RABGAP1L: variants seen among roughly 807,000 people sequenced by gnomAD.
RABGAP1L encodes rab GTPase-activating protein 1-like.
Under a neutral mutation model 137.7 loss-of-function variants are expected in RABGAP1L, and 63 were observed. The observed-to-expected ratio is 0.46, with a 90% CI of 0.37 to 0.56. RABGAP1L has a LOEUF of 0.56. Among genes scored for constraint, RABGAP1L ranks in the 20% least tolerant of loss-of-function variants. The pLI is 0.00. For synonymous variants in RABGAP1L, 431 were observed against 433.7 expected (o/e 0.99, Z 0.08); for missense variants, 1,095 against 1,244.0 (o/e 0.88, Z 1.80).
rs549834803 is a variant in RABGAP1L, at chr1:174,761,853, C to T, written c.2211+9499C>T. Among the ~76,000 whole-genome samples, 3 of 152,090 alleles carry T rather than the reference C, an allele frequency of 2.0e-5. No homozygotes were observed. Among genetic ancestry groups the T allele is most frequent in the Non-Finnish European group, 2.9e-5 (2 of 67,992 alleles). On this transcript the variant is annotated intron_variant, in intron 18 of 25. Coordinates refer to ENST00000681986, the MANE Select transcript of RABGAP1L (RefSeq NM_001366446.1). This position sits in a 1 kb window ranked among gnomAD's most constrained non-coding sequence, Gnocchi z 4.0. The stretch of plus-strand genomic sequence containing the variant: ...ATTCAAGATGAGGTTTGGGTGGGGA[C>T]ACAGCCAAACCATATCAACAATAAA...
chr1:174,376,416 G>T (rs1269876534), intron 12 of RABGAP1L, among the ~76,000 whole-genome samples: 1 of 152,072 alleles, frequency 6.6e-6, no homozygotes, highest in Non-Finnish European at 1.5e-5. Flanking sequence ...GTCCCTCATG[G>T]ATATAGACTA....
intron 17 of RABGAP1L, among the ~76,000 whole-genome samples, chr1:174,715,453 T>C (rs1332597814): frequency 6.6e-6 from 1 of 152,222 alleles, no homozygotes; most frequent in Non-Finnish European, 1.5e-5. Context: ...ACTGTTTAAG[T>C]CTCAAATATT....
At chr1:174,294,967 G>A (rs1676979199) in intron 10 of RABGAP1L, among the ~76,000 whole-genome samples, 1 of 151,756 alleles carries the variant, frequency 6.6e-6, no homozygotes, top group South Asian at 2.1e-4. Context: ...AGCCCAGGCT[G>A]CAGTGCAGTA....
intron 12 of RABGAP1L, among the ~76,000 whole-genome samples, chr1:174,389,307 A>G (rs1687040660): frequency 6.6e-6 from 1 of 151,722 alleles, no homozygotes; most frequent in Non-Finnish European, 1.5e-5. Context: ...GAACTTTTTC[A>G]AATAGGTCAT....
intron 11 of RABGAP1L, among the ~76,000 whole-genome samples, chr1:174,360,247 A>T (rs1034353688): frequency 6.2e-4 from 94 of 151,568 alleles, no homozygotes; most frequent in Admixed American, 1.4e-3. Context: ...AAAAGTTAAA[A>T]TTTTTTTTTG....
At chr1:174,628,307 C>T (rs1673071094) in intron 13 of RABGAP1L, among the ~76,000 whole-genome samples, 1 of 152,086 alleles carries the variant, frequency 6.6e-6, no homozygotes, top group South Asian at 2.1e-4. Context: ...GAATTGGTTT[C>T]ATAATCATAA....
At chr1:174,713,515 C>A (rs527719601) in intron 17 of RABGAP1L, among the ~76,000 whole-genome samples, 4 of 152,126 alleles carry the variant, frequency 2.6e-5, no homozygotes, top group Non-Finnish European at 5.9e-5. Context: ...ATTCTGAGTT[C>A]ATGGGAGATA....
At chr1:174,830,218 G>C (rs1051404737) in intron 19 of RABGAP1L, among the ~76,000 whole-genome samples, 1 of 147,060 alleles carries the variant, frequency 6.8e-6, no homozygotes, top group South Asian at 2.3e-4. Context: ...AGTCATGACT[G>C]ATTAGAAGCC....
intron 19 of RABGAP1L, among the ~76,000 whole-genome samples, chr1:174,943,239 A>G (rs116666486): frequency 0.018 from 2,748 of 152,270 alleles, 74 homozygotes; most frequent in African/African-American, 0.063. Context: ...TGAATGCTCT[A>G]TCACTAGCTT....
intron 18 of RABGAP1L, among the ~76,000 whole-genome samples, chr1:174,788,236 C>T (rs960704548): frequency 2.0e-5 from 3 of 152,176 alleles, no homozygotes; most frequent in African/African-American, 4.8e-5. Flanking sequence ...AACTTTGTGC[C>T]TCAGCACCTG....
chr1:174,384,716 C>T (rs1686595966), intron 12 of RABGAP1L, among the ~76,000 whole-genome samples: 1 of 152,116 alleles, frequency 6.6e-6, no homozygotes, highest in Admixed American at 6.5e-5. Context: ...ATGTCAAGTG[C>T]ACATGACCTC....
At chr1:174,524,231 G>A (rs765466721) in intron 13 of RABGAP1L, among the ~76,000 whole-genome samples, 24 of 151,288 alleles carry the variant, frequency 1.6e-4, no homozygotes, top group Non-Finnish European at 2.2e-4. Context: ...TCTCTATACC[G>A]TTTTCCATAG....
At chr1:174,436,551 A>G (rs1653336443) in intron 13 of RABGAP1L, among the ~76,000 whole-genome samples, 1 of 152,174 alleles carries the variant, frequency 6.6e-6, no homozygotes, top group African/African-American at 2.4e-5. Flanking sequence ...GATTCTAGAT[A>G]TTAGCCCTTT....
rs1660122589 is a variant in RABGAP1L at position 174,490,574 on chromosome 1, C to CA, written c.1710+96430dup. Among the ~76,000 whole-genome samples, 2 of 152,116 alleles carry CA rather than the reference C, an allele frequency of 1.3e-5. 1 individual carries two copies. Among genetic ancestry groups the CA allele is most frequent in the South Asian group, 4.1e-4 (2 of 4,826 alleles). The stretch of plus-strand genomic sequence containing the variant: ...ACTCAAGGCCCAGTATAACCACTAC[C>CA]AGGTTATCGCCTATGTTCTCTGAAG... On this transcript the variant is annotated intron_variant, in intron 13 of 25. Coordinates refer to ENST00000681986, the MANE Select transcript of RABGAP1L (RefSeq NM_001366446.1).
At chr1:174,646,948 TA>T (rs1675016073) in intron 14 of RABGAP1L, among the ~76,000 whole-genome samples, 1 of 152,178 alleles carries the variant, frequency 6.6e-6, no homozygotes, top group Admixed American at 6.5e-5. Flanking sequence ...ATTGTATTCC[TA>T]GGTATTTTAT....
chr1:174,781,518 C>T (rs1418335363), intron 18 of RABGAP1L, among the ~76,000 whole-genome samples: 3 of 152,106 alleles, frequency 2.0e-5, no homozygotes, highest in Non-Finnish European at 4.4e-5. Flanking sequence ...CTGTAGGTTG[C>T]CTGTTCACTC....
At chr1:174,923,802 A>C (rs1230781449) in intron 19 of RABGAP1L, among the ~76,000 whole-genome samples, 1 of 151,214 alleles carries the variant, frequency 6.6e-6, no homozygotes, top group African/African-American at 2.4e-5. Flanking sequence ...AATCGCGTCA[A>C]CCTGGGAGGT....
At chr1:174,422,147 A>G (rs1651390779) in intron 13 of RABGAP1L, among the ~76,000 whole-genome samples, 2 of 152,204 alleles carry the variant, frequency 1.3e-5, no homozygotes, top group South Asian at 4.1e-4. Context: ...ACCCGTACTT[A>G]GAAAGATCCT....
At chr1:174,678,144 A>T (rs994190808) in intron 14 of RABGAP1L, among the ~76,000 whole-genome samples, 1 of 152,198 alleles carries the variant, frequency 6.6e-6, no homozygotes, top group Non-Finnish European at 1.5e-5. Flanking sequence ...AACAATTTAC[A>T]TACAAAAGAG....
Sources: allele counts gnomAD v4.1 joint callset (sites outside exome capture counted in the v4.1 genomes callset), GRCh38; gene constraint gnomAD v4.1.1; non-coding constraint Gnocchi (gnomAD v3.1); transcripts MANE v1.5; gene names NCBI Gene and HGNC (gene_info 2026-07-23, HGNC 2026-07-21).